The following MDGA2 variants were observed in gnomAD, a reference collection of about 807,000 sequenced individuals.
MDGA2 encodes MAM domain containing glycosylphosphatidylinositol anchor 2.
MDGA2 carries 40 observed loss-of-function variants against 117.8 expected under a neutral mutation model. That is an observed-to-expected ratio of 0.34 (90% CI 0.26 to 0.44). The LOEUF is 0.44. MDGA2 is among the 20% of genes least tolerant of loss of function. The pLI, the probability that MDGA2 is intolerant of heterozygous loss-of-function variation, is 1.00. For missense variants in MDGA2, 1,123 were observed against 1,250.6 expected (o/e 0.90, Z 1.54); for synonymous variants, 452 against 439.0 (o/e 1.03, Z -0.37).
intron 6 of MDGA2, among the ~76,000 whole-genome samples, chr14:47,070,999 G>T (rs968873527): frequency 1.3e-5 from 2 of 152,132 alleles, no homozygotes; most frequent in African/African-American, 4.8e-5. Context: ...TCCCCACATG[G>T]GAATGGTTTT....
chr14:47,228,131 A>G (rs905500766), intron 2 of MDGA2, among the ~76,000 whole-genome samples: 1 of 152,170 alleles, frequency 6.6e-6, no homozygotes, highest in Admixed American at 6.6e-5. Context: ...AGAGAATGTT[A>G]ATAAAAACAC....
At chr14:47,309,441 G>C (rs1050310573) in intron 1 of MDGA2, among the ~76,000 whole-genome samples, 47 of 152,082 alleles carry the variant, frequency 3.1e-4, no homozygotes, top group African/African-American at 1.1e-3. Context: ...ATTTAATCAA[G>C]AGAAGGTTAT....
At chr14:47,174,023 A>G (rs1355305306) in intron 3 of MDGA2, among the ~76,000 whole-genome samples, 1 of 152,226 alleles carries the variant, frequency 6.6e-6, no homozygotes, top group Non-Finnish European at 1.5e-5. Context: ...ACAGACTTTA[A>G]ACCAACAAAG....
chr14:47,462,389 AAAAG>A (rs1566469332), intron 1 of MDGA2, among the ~76,000 whole-genome samples: 1 of 151,530 alleles, frequency 6.6e-6, no homozygotes, highest in Non-Finnish European at 1.5e-5. Flanking sequence ...AAAAAAAAAA[AAAAG>A]AAAGAAAAAA....
intron 2 of MDGA2, among the ~76,000 whole-genome samples, chr14:47,237,336 C>T (rs571612967): frequency 7.9e-5 from 12 of 152,186 alleles, no homozygotes; most frequent in Non-Finnish European, 1.6e-4. Context: ...CCGCATTTTA[C>T]GCCCGGGTCT....
rs1887311544 is a variant in MDGA2 at position 46,996,811 on chromosome 14, G to C, written c.1819+38200C>G. The C allele has an allele frequency of 2.1e-5, 4 of 188,870 alleles. No individual in the cohort carries two copies. In the South Asian group the frequency reaches 4.2e-4, roughly 20 times the overall value. The allele number at this position is 188,870 out of a possible 1,614,324, so 11.7% of individuals were successfully genotyped here. ...ATCTTTTCAGAACAAAAAGAGCCTA[G>C]TAGCTTTTAACATCATGCCCCTCAA... On this transcript the variant is annotated intron_variant, in intron 8 of 16. Transcript: ENST00000399232.
intron 7 of MDGA2, among the ~76,000 whole-genome samples, chr14:47,060,428 A>C (rs932610758): frequency 8.5e-5 from 13 of 152,102 alleles, no homozygotes; most frequent in Admixed American, 5.9e-4. Context: ...TGTTTTCAAC[A>C]CATATTATTT....
chr14:46,953,557 CTA>C (rs750844852), intron 9 of MDGA2, among the ~76,000 whole-genome samples: 6 of 151,890 alleles, frequency 4.0e-5, no homozygotes, highest in Non-Finnish European at 8.8e-5. Flanking sequence ...TATGCTTAGA[CTA>C]TTGCATTTAA....
At position 47,560,275 on chromosome 14, in the gene MDGA2, G is replaced by A. The variant is rs569098913; in HGVS notation, c.280+114242C>T. Among the ~76,000 whole-genome samples, 5 of 151,900 alleles carry A rather than the reference G, an allele frequency of 3.3e-5. No individual in the cohort carries two copies. In the South Asian group the frequency reaches 1.0e-3, roughly 32 times the overall value. ...TTTAGTAGAAACGGGGTTTCACCGT[G>A]TTAGCCAGGATGGTCTCGACCTCCT... is the stretch of plus-strand genomic sequence containing the variant. On this transcript the variant is annotated intron_variant, in intron 1 of 16. Transcript: ENST00000399232.
At chr14:47,044,097 A>G (rs569270260) in intron 7 of MDGA2, among the ~76,000 whole-genome samples, 58 of 151,994 alleles carry the variant, frequency 3.8e-4, no homozygotes, top group African/African-American at 1.3e-3. Context: ...GGTGCTTAAT[A>G]AGTTCTTGAT....
At chr14:46,906,175 G>T (rs1008165382) in intron 10 of MDGA2, among the ~76,000 whole-genome samples, 1 of 151,718 alleles carries the variant, frequency 6.6e-6, no homozygotes, top group Non-Finnish European at 1.5e-5. Context: ...CTTCAGAAAG[G>T]AATGACATTT....
At chr14:47,074,374 C>T (rs1890412667) in intron 6 of MDGA2, among the ~76,000 whole-genome samples, 1 of 151,568 alleles carries the variant, frequency 6.6e-6, no homozygotes, top group Non-Finnish European at 1.5e-5. Flanking sequence ...GGCGCGATCT[C>T]GGCTCACTGC....
intron 1 of MDGA2, among the ~76,000 whole-genome samples, chr14:47,337,768 A>T (rs573819801): frequency 6.6e-6 from 1 of 152,024 alleles, no homozygotes; most frequent in Non-Finnish European, 1.5e-5. Flanking sequence ...GATATTAAGC[A>T]TTTAGAATTA....
chr14:47,350,083 G>A (rs1189609270), intron 1 of MDGA2, among the ~76,000 whole-genome samples: 3 of 152,136 alleles, frequency 2.0e-5, no homozygotes, highest in Non-Finnish European at 4.4e-5. Context: ...TATATTGCTT[G>A]GAATTCGATT....
At chr14:47,208,173 C>T (rs934547964) in intron 3 of MDGA2, among the ~76,000 whole-genome samples, 1 of 151,998 alleles carries the variant, frequency 6.6e-6, no homozygotes, top group Non-Finnish European at 1.5e-5. Context: ...GAGAATCCGT[C>T]CACCTTATCC....
chr14:47,115,263 A>G (rs536267314), intron 5 of MDGA2, among the ~76,000 whole-genome samples: 19 of 152,134 alleles, frequency 1.2e-4, no homozygotes, highest in Middle Eastern at 6.8e-3. Flanking sequence ...CACAACTCAG[A>G]CAAGTACTGT....
chr14:47,212,222 T>C (rs1162334158), intron 3 of MDGA2, among the ~76,000 whole-genome samples: 1 of 152,172 alleles, frequency 6.6e-6, no homozygotes, highest in East Asian at 1.9e-4. Context: ...GGAGATAATA[T>C]GTTTTTAGTC....
chr14:47,312,693 G>GTTTTTTTTTT (rs375332903), intron 1 of MDGA2, among the ~76,000 whole-genome samples: 7 of 104,360 alleles, frequency 6.7e-5, no homozygotes, highest in African/African-American at 1.0e-4. Context: ...TTTTTGTTTT[G>GTTTTTTTTTT]TTTTGTTTTT....
intron 1 of MDGA2, among the ~76,000 whole-genome samples, chr14:47,451,691 A>C (rs1399643349): frequency 1.3e-5 from 2 of 152,140 alleles, no homozygotes; most frequent in African/African-American, 2.4e-5. Context: ...ATAACAGTGA[A>C]TACATTAGGC....
Sources: gnomAD v4.1 joint callset for allele counts (sites outside exome capture counted in the v4.1 genomes callset) on GRCh38, gnomAD v4.1.1 for gene constraint, MANE v1.5 for transcripts, NCBI Gene and HGNC (gene_info 2026-07-23, HGNC 2026-07-21) for gene names.